The following GRIA3 variants were observed in gnomAD, a reference collection of about 807,000 sequenced individuals.
The protein encoded by GRIA3 is glutamate ionotropic receptor AMPA type subunit 3.
Under a neutral mutation model 63.0 loss-of-function variants are expected in GRIA3, and 3 were observed. The ratio of observed to expected loss-of-function variants is 0.05; its 90% confidence interval spans 0.02 to 0.12. GRIA3 has a LOEUF of 0.12. Ranked by LOEUF, GRIA3 falls within the 10% of genes least tolerant of loss-of-function variation. The pLI, the probability that GRIA3 is intolerant of heterozygous loss-of-function variation, is 1.00. For missense variants in GRIA3, 347 were observed against 700.9 expected (o/e 0.50, Z 5.70); for synonymous variants, 274 against 257.9 (o/e 1.06, Z -0.60).
At chrX:123,241,906 A>G (rs2147276150) in intron 2 of GRIA3, among the ~76,000 whole-genome samples, 1 of 111,829 alleles carries the variant, frequency 8.9e-6, no homozygotes, top group South Asian at 3.8e-4. Flanking sequence ...ATATTAAGAA[A>G]TTTCTAATAA....
At chrX:123,246,356 T>C (rs910938716) in intron 2 of GRIA3, among the ~76,000 whole-genome samples, 1 of 111,716 alleles carries the variant, frequency 9.0e-6, no homozygotes, top group Admixed American at 9.5e-5. Flanking sequence ...CTAAAACCAG[T>C]GTGTCGGCAG....
At chrX:123,287,367 C>T (rs1603070519) in intron 3 of GRIA3, among the ~76,000 whole-genome samples, 1 of 111,867 alleles carries the variant, frequency 8.9e-6, no homozygotes, top group East Asian at 2.8e-4. Flanking sequence ...GACAAGGATG[C>T]CATCTCTCAC....
intron 4 of GRIA3, 136 bp from the exon 5 acceptor site, chrX:123,354,774 C>G: frequency 1.8e-6 from 1 of 543,264 alleles, no homozygotes; most frequent in Non-Finnish European, 3.4e-6. Context: ...AATGCAACAA[C>G]AAGAAATCTG....
chrX:123,204,450 C>T (rs1205237624), intron 2 of GRIA3: 87 of 1,155,987 alleles, frequency 7.5e-5, no homozygotes, highest in Non-Finnish European at 9.8e-5. Flanking sequence ...TCAGCACTAC[C>T]TCCTCCCTTC....
chrX:123,353,768 G>A (rs866295511), intron 4 of GRIA3, among the ~76,000 whole-genome samples: 1 of 111,246 alleles, frequency 9.0e-6, no homozygotes, highest in Non-Finnish European at 1.9e-5. Context: ...CTTCAGGCCA[G>A]TACAAAACCT....
chrX:123,374,690 G>C (rs1457215585), intron 5 of GRIA3, among the ~76,000 whole-genome samples: 1 of 111,727 alleles, frequency 9.0e-6, no homozygotes, highest in African/African-American at 3.3e-5. Flanking sequence ...TGTGATTTTT[G>C]CACATTGATT....
intron 5 of GRIA3, among the ~76,000 whole-genome samples, chrX:123,356,497 A>G (rs1010863813): frequency 1.1e-4 from 12 of 111,861 alleles, no homozygotes; most frequent in Non-Finnish European, 1.9e-4. Context: ...ATTTTAATGA[A>G]AATATATTTC....
At chrX:123,326,369 G>GAAA (rs56808544) in intron 4 of GRIA3, among the ~76,000 whole-genome samples, 156 bp downstream of exon 4, 10 of 70,034 alleles carry the variant, frequency 1.4e-4, no homozygotes, top group African/African-American at 1.6e-4. Context: ...AGTGGCTGCA[G>GAAA]AAAAAAAAAA....
intron 12 of GRIA3, among the ~76,000 whole-genome samples, chrX:123,438,100 A>G (rs1038086067): frequency 1.2e-4 from 13 of 112,080 alleles, no homozygotes; most frequent in African/African-American, 3.9e-4. Context: ...TAATTCCAAA[A>G]TATTTTCATC....
At chrX:123,199,274 ATTT>A (rs5903635) in intron 2 of GRIA3, among the ~76,000 whole-genome samples, 10 of 78,618 alleles carry the variant, frequency 1.3e-4, no homozygotes, top group Non-Finnish European at 1.2e-4. Context: ...AGTCTTTTAA[ATTT>A]TTTTTTTTTT....
At chrX:123,347,699 A>G (rs1006119301) in intron 4 of GRIA3, among the ~76,000 whole-genome samples, 1 of 112,302 alleles carries the variant, frequency 8.9e-6, no homozygotes, top group Non-Finnish European at 1.9e-5. Context: ...TTTGCACACA[A>G]TAATGGAACT....
intron 3 of GRIA3, among the ~76,000 whole-genome samples, chrX:123,314,611 C>T: frequency 8.9e-6 from 1 of 112,296 alleles, no homozygotes; most frequent in Middle Eastern, 4.6e-3. Flanking sequence ...TTTACTTTCA[C>T]TCAATGAAAC....
chrX:123,212,888 G>A (rs1448591389), intron 2 of GRIA3, among the ~76,000 whole-genome samples: 1 of 111,911 alleles, frequency 8.9e-6, no homozygotes, highest in Admixed American at 9.4e-5. Flanking sequence ...AAGACCTAGA[G>A]AAGTGAGGGT....
At chrX:123,360,855 TCACACACA>T (rs10548566) in intron 5 of GRIA3, among the ~76,000 whole-genome samples, 13,129 of 46,312 alleles carry the variant, frequency 0.28, 1,954 homozygotes, top group Middle Eastern at 0.42. Flanking sequence ...TCTCTCTCTC[TCACACACA>T]CACACACACA....
At chrX:123,389,802 G>A (rs932209237) in intron 5 of GRIA3, among the ~76,000 whole-genome samples, 5 of 110,773 alleles carry the variant, frequency 4.5e-5, no homozygotes, top group African/African-American at 1.6e-4. Context: ...CCACCTCCTG[G>A]GTTCGCCATT....
Position 123,464,971 on chromosome X carries a change from C to A in GRIA3, c.2183C>A (p.Ser728Tyr). The change falls in exon 13 of 16, where the codon TCC becomes TAC. Residue 728 changes from serine to tyrosine, a missense_variant. By Grantham distance (144) the Ser-to-Tyr change is moderately radical. This residue lies in a region of GRIA3 where 49 missense variants were observed against 176.6 expected (regional missense o/e 0.28). Coordinates refer to ENST00000620443, the MANE Select transcript of GRIA3 (RefSeq NM_007325.5). ...TADGVARVRK[S>Y]KGKFAFLLES... ...GACGGAGTGGCCCGAGTGCGAAAGT[C>A]CAAGGGAAAGTTCGCCTTCCTGCTG... The A allele has an allele frequency of 8.3e-7, 1 of 1,210,431 alleles. No homozygotes were observed. Among genetic ancestry groups the A allele is most frequent in the Non-Finnish European group, 1.1e-6 (1 of 894,673 alleles).
At chrX:123,200,178 T>A (rs1193074688) in intron 2 of GRIA3, among the ~76,000 whole-genome samples, 1 of 111,149 alleles carries the variant, frequency 9.0e-6, no homozygotes, top group Non-Finnish European at 1.9e-5. Context: ...CGTCTAATTC[T>A]CTTATTCTCT....
chrX:123,317,071 G>A (rs2044836325), intron 3 of GRIA3, among the ~76,000 whole-genome samples: 1 of 111,065 alleles, frequency 9.0e-6, no homozygotes, highest in African/African-American at 3.3e-5. Flanking sequence ...TTACATGGTG[G>A]CGGCAAGAAA....
At chrX:123,295,330 T>A (rs1336730341) in intron 3 of GRIA3, among the ~76,000 whole-genome samples, 7 of 111,690 alleles carry the variant, frequency 6.3e-5, no homozygotes, top group Admixed American at 5.7e-4. Flanking sequence ...TGTTTTTAGC[T>A]CCATTCTAAA....
Sources: allele counts gnomAD v4.1 joint callset (sites outside exome capture counted in the v4.1 genomes callset), GRCh38; gene constraint gnomAD v4.1.1; regional missense constraint gnomAD v4.1.1; transcripts MANE v1.5; gene names NCBI Gene and HGNC (gene_info 2026-07-23, HGNC 2026-07-21).